DSG4: variants seen among roughly 807,000 people sequenced by gnomAD.
DSG4 encodes the protein desmoglein-4.
In DSG4, 87 loss-of-function variants were observed where a neutral mutation model predicts 93.1. The ratio of observed to expected loss-of-function variants is 0.93; its 90% CI spans 0.79 to 1.12. DSG4 has a LOEUF of 1.12. DSG4 is among the 50% of genes most tolerant of loss of function. DSG4 has a pLI of 0.00. For synonymous variants in DSG4, 432 were observed against 452.9 expected, an observed-to-expected ratio of 0.95 and a Z score of 0.59; for missense variants, 1,373 against 1,285.7, an observed-to-expected ratio of 1.07 and a Z score of -1.04.
intron 11 of DSG4, among the ~76,000 whole-genome samples, chr18:31,404,346 T>C (rs2072401937): frequency 6.6e-6 from 1 of 152,236 alleles, no homozygotes; most frequent in Admixed American, 6.5e-5. Context: ...ATTGAATGGC[T>C]GACATCGATA....
intron 15 of DSG4, among the ~76,000 whole-genome samples, chr18:31,412,468 T>C (rs2072505129): frequency 6.6e-6 from 1 of 152,208 alleles, no homozygotes; most frequent in African/African-American, 2.4e-5. Context: ...AGGATTGCTA[T>C]AGTTAACAAT....
At position 31,388,807 on chromosome 18, in the gene DSG4, A is replaced by G; in HGVS notation, c.373-67A>G. On this transcript the variant is annotated intron_variant, in intron 4 of 15. Coordinates refer to ENST00000308128, the MANE Select transcript of DSG4 (RefSeq NM_177986.5). The stretch of plus-strand genomic sequence containing the variant: ...ATTGTTTCTTTGCCTATTTTCTGAT[A>G]TATTTTCAAGCATGTTACTAAAATT... 1.9e-6 allele frequency: 3 copies of G among 1,609,904 alleles called. No individual in the cohort carries two copies. In the South Asian group the frequency reaches 3.3e-5, roughly 18 times the overall value.
rs576858711 is a variant in DSG4 at position 31,382,764 on chromosome 18, A to C, written c.49-2372A>C. 7.9e-5 allele frequency among the ~76,000 whole-genome samples: 12 copies of C among 152,276 alleles called. No individual in the cohort carries two copies. The South Asian group carries it at 2.5e-3, about 32-fold the overall frequency. On this transcript the variant is annotated intron_variant, in intron 1 of 15. Transcript: ENST00000308128. Reference sequence around the variant, plus strand: ...CAGCTGAGCAGGGAGCAGAAATACCACAAATATACTATGGAAGCCTCCATC... The same window carrying C: ...CAGCTGAGCAGGGAGCAGAAATACCCCAAATATACTATGGAAGCCTCCATC...
intron 8 of DSG4, among the ~76,000 whole-genome samples, chr18:31,393,693 T>C (rs924528334): frequency 1.3e-5 from 2 of 152,164 alleles, no homozygotes; most frequent in East Asian, 1.9e-4. Context: ...AACCATATCA[T>C]CAAGTTACTG....
intron 6 of DSG4, 67 bp downstream of exon 6, chr18:31,390,889 C>A: frequency 1.3e-6 from 2 of 1,560,196 alleles, no homozygotes; most frequent in African/African-American, 2.7e-5. Flanking sequence ...ATAAAATGAT[C>A]CATGTGTACC....
chr18:31,391,633 G>A (rs2072250353), intron 7 of DSG4, among the ~76,000 whole-genome samples: 1 of 151,624 alleles, frequency 6.6e-6, no homozygotes, highest in South Asian at 2.1e-4. Flanking sequence ...CACTAGCAGG[G>A]CCAAATCTGG....
intron 15 of DSG4, among the ~76,000 whole-genome samples, chr18:31,412,175 G>T (rs375483525): frequency 2.0e-5 from 3 of 152,168 alleles, no homozygotes; most frequent in African/African-American, 7.2e-5. Flanking sequence ...ATACCCAATG[G>T]AATATTATTC....
chr18:31,388,845 A>G, intron 4 of DSG4, 29 bp from the exon 5 acceptor site: 1 of 1,613,242 alleles, frequency 6.2e-7, no homozygotes, highest in Non-Finnish European at 8.5e-7. Context: ...TTTGGTGGAA[A>G]AAGATGGCTT....
chr18:31,405,941 A>G, intron 11 of DSG4, 136 bp from the exon 12 acceptor site: 1 of 789,250 alleles, frequency 1.3e-6, no homozygotes, highest in South Asian at 1.9e-5. Flanking sequence ...AAAAAAAAGT[A>G]CAAGGTGCTT....
intron 1 of DSG4, among the ~76,000 whole-genome samples, chr18:31,379,329 A>G (rs2072110452): frequency 6.6e-6 from 1 of 152,212 alleles, no homozygotes; most frequent in Admixed American, 6.5e-5. Flanking sequence ...AGTTGCTTCC[A>G]CTGTAGAAAC....
rs1220310582 is a variant in DSG4 at position 31,412,979 on chromosome 18, T to C, written c.2507T>C (p.Leu836Ser). 23 of 1,614,072 alleles carry C rather than the reference T, an allele frequency of 1.4e-5. No homozygotes were observed. The highest frequency in any genetic ancestry group is 1.9e-5 in the Non-Finnish European group (22 of 1,180,040). The change falls in exon 16 of 16, where the codon TTA becomes TCA. Residue 836 changes from leucine (L) to serine (S), a missense_variant. Leu to Ser is a moderately radical substitution (Grantham distance 145, BLOSUM62 -2). Coordinates refer to ENST00000308128, the MANE Select transcript of DSG4 (RefSeq NM_177986.5). ...DDLDESCMET[L>S]DPKFRTLAEI... ...TTAGATGAAAGCTGCATGGAAACTT[T>C]AGATCCAAAATTTAGGACTCTTGCT... is the stretch of plus-strand genomic sequence containing the variant.
At chr18:31,381,690 T>A (rs2072136499) in intron 1 of DSG4, among the ~76,000 whole-genome samples, 1 of 152,082 alleles carries the variant, frequency 6.6e-6, no homozygotes, top group South Asian at 2.1e-4. Context: ...GTTGGAGTCT[T>A]GCAATGTTGC....
chr18:31,380,750 A>C (rs2072124724), intron 1 of DSG4, among the ~76,000 whole-genome samples: 1 of 152,204 alleles, frequency 6.6e-6, no homozygotes, highest in South Asian at 2.1e-4. Context: ...ATGACTTCCA[A>C]ACTGACTACT....
chr18:31,388,019 T>TA (rs1343597658), intron 3 of DSG4, among the ~76,000 whole-genome samples: 3 of 152,152 alleles, frequency 2.0e-5, no homozygotes, highest in African/African-American at 7.2e-5. Context: ...AAGTTATTTT[T>TA]AAAAAATAGT....
intron 9 of DSG4, among the ~76,000 whole-genome samples, chr18:31,400,497 T>C (rs1250366874): frequency 6.6e-6 from 1 of 151,884 alleles, no homozygotes; most frequent in Non-Finnish European, 1.5e-5. Context: ...GAAATCAACA[T>C]AGCTGAAAAG....
At position 31,414,083 on chromosome 18, in the gene DSG4, A is replaced by C. The variant is rs1470436105; in HGVS notation, c.*488A>C. 6.4e-6 allele frequency: 1 copy of C among 156,090 alleles called. No individual in the cohort carries two copies. The highest frequency in any genetic ancestry group is 1.4e-5 in the Non-Finnish European group (1 of 70,484). The allele number at this position is 156,090 out of a possible 1,614,324, so 9.7% of individuals were successfully genotyped here. On this transcript the variant is annotated 3_prime_UTR_variant, in exon 16 of 16. Transcript: ENST00000308128. ...TGAAAAGGAACGTAGAGTATCTGTC[A>C]ATATCTTTAGATATCTGAAGTCATT... is the stretch of plus-strand genomic sequence containing the variant.
chr18:31,378,019 G>A (rs942862398), intron 1 of DSG4, among the ~76,000 whole-genome samples: 2 of 152,168 alleles, frequency 1.3e-5, no homozygotes, highest in African/African-American at 2.4e-5. Context: ...CACAGTGAGA[G>A]CTACTCTTCT....
chr18:31,394,554 G>A (rs902544389), intron 8 of DSG4, among the ~76,000 whole-genome samples: 2 of 152,078 alleles, frequency 1.3e-5, no homozygotes, highest in Non-Finnish European at 2.9e-5. Context: ...TCCAGCCTCG[G>A]CAACAAAAGT....
At chr18:31,388,246 T>C (rs1024159333) in intron 3 of DSG4, 121 bp from the exon 4 acceptor site, 29 of 1,110,344 alleles carry the variant, frequency 2.6e-5, no homozygotes, top group Non-Finnish European at 3.7e-5. Flanking sequence ...GACTAAGTCA[T>C]GGTGTCAGGT....
Sources: allele counts gnomAD v4.1 joint callset (sites outside exome capture counted in the v4.1 genomes callset), GRCh38; gene constraint gnomAD v4.1.1; transcripts MANE v1.5; gene names NCBI Gene and HGNC (gene_info 2026-07-23, HGNC 2026-07-21).